The following TRAF3 variants were observed in gnomAD, a reference collection of about 807,000 sequenced individuals.
The protein encoded by TRAF3 is TNF receptor-associated factor 3.
TRAF3 carries 13 observed loss-of-function variants against 62.3 expected under a neutral mutation model. The observed-to-expected ratio is 0.21, with a 90% CI of 0.14 to 0.33. The LOEUF (loss-of-function observed/expected upper bound fraction) is 0.33, where lower values mean the gene tolerates loss of function less well. Ranked by LOEUF, TRAF3 falls within the 10% of genes least tolerant of loss-of-function variation. The pLI is 1.00. For missense variants in TRAF3, 440 were observed against 741.8 expected (o/e 0.59, Z 4.73); for synonymous variants, 269 against 283.4 (o/e 0.95, Z 0.51).
chr14:102,846,577 AG>A (rs1002052773), intron 2 of TRAF3, among the ~76,000 whole-genome samples: 2 of 140,376 alleles, frequency 1.4e-5, no homozygotes, highest in Admixed American at 1.5e-4. Context: ...CTGAGATGGG[AG>A]GATCACTTGA....
chr14:102,850,742 G>A (rs552224012), intron 2 of TRAF3, among the ~76,000 whole-genome samples: 78 of 149,152 alleles, frequency 5.2e-4, no homozygotes, highest in South Asian at 1.1e-3. Flanking sequence ...CAGATGCTGC[G>A]CTCCTGGTAG....
In TRAF3 at chr14:102,905,822, CCT is replaced by C. The variant is rs1241993072; in HGVS notation, c.*41_*42del. 2 of 1,570,604 alleles carry C rather than the reference CCT, an allele frequency of 1.3e-6. No homozygotes were observed. Among genetic ancestry groups the C allele is most frequent in the Non-Finnish European group, 1.7e-6 (2 of 1,143,378 alleles). ...GAGGTGGATTTAGCAGAAGGCAACT[CCT>C]CTGGGGGATTTGAACCGGTCTGTCT... is the stretch of plus-strand genomic sequence containing the variant. On this transcript the variant is annotated 3_prime_UTR_variant, in exon 12 of 12. Transcript: ENST00000392745.
chr14:102,899,795 G>A (rs1051259790), intron 10 of TRAF3, among the ~76,000 whole-genome samples: 1 of 152,146 alleles, frequency 6.6e-6, no homozygotes, highest in Non-Finnish European at 1.5e-5. Context: ...GTCAAGGAGT[G>A]GAATTCAAGA....
intron 1 of TRAF3, among the ~76,000 whole-genome samples, chr14:102,811,913 C>G (rs537143419): frequency 4.2e-5 from 2 of 47,076 alleles, no homozygotes; most frequent in African/African-American, 1.6e-4. Flanking sequence ...ATGCCTGGCC[C>G]TTTTTTTTTT....
chr14:102,815,555 A>G (rs748563135), intron 1 of TRAF3, among the ~76,000 whole-genome samples: 2 of 152,090 alleles, frequency 1.3e-5, no homozygotes, highest in African/African-American at 4.8e-5. Flanking sequence ...TTTTGAGTCA[A>G]TTTTTGTGGT....
chr14:102,893,685 C>G (rs1889849448), intron 9 of TRAF3, among the ~76,000 whole-genome samples: 1 of 152,230 alleles, frequency 6.6e-6, no homozygotes, highest in African/African-American at 2.4e-5. Flanking sequence ...TTTAAACTAT[C>G]TCCAGCCAAG....
At chr14:102,902,356 G>T (rs929474447) in intron 10 of TRAF3, among the ~76,000 whole-genome samples, 17 of 152,224 alleles carry the variant, frequency 1.1e-4, no homozygotes, top group African/African-American at 4.1e-4. Flanking sequence ...CACCATCCAG[G>T]TGGGAGGGGT....
intron 1 of TRAF3, among the ~76,000 whole-genome samples, chr14:102,810,113 G>GA (rs1409684660): frequency 1.3e-5 from 2 of 152,088 alleles, no homozygotes; most frequent in African/African-American, 4.8e-5. Flanking sequence ...CTCTTTATGG[G>GA]AAAAAAGTTT....
At chr14:102,867,435 C>T (rs964435427) in intron 2 of TRAF3, among the ~76,000 whole-genome samples, 1 of 152,090 alleles carries the variant, frequency 6.6e-6, no homozygotes, top group Non-Finnish European at 1.5e-5. Flanking sequence ...CCTGGAGAAA[C>T]TTAGTTACAT....
intron 1 of TRAF3, among the ~76,000 whole-genome samples, chr14:102,798,516 A>G (rs1044734228): frequency 2.0e-5 from 3 of 151,928 alleles, no homozygotes; most frequent in African/African-American, 4.8e-5. Context: ...GGCGTGTGCC[A>G]TTAGTTCCAG....
At chr14:102,881,490 G>A (rs1889063240) in intron 6 of TRAF3, among the ~76,000 whole-genome samples, 1 of 151,994 alleles carries the variant, frequency 6.6e-6, no homozygotes, top group African/African-American at 2.4e-5. Context: ...ACTAACACAG[G>A]AACAGAAAAA....
chr14:102,779,088 C>T (rs1161602482), intron 1 of TRAF3, among the ~76,000 whole-genome samples: 1 of 152,126 alleles, frequency 6.6e-6, no homozygotes, highest in African/African-American at 2.4e-5. Context: ...ACTGGAAATC[C>T]TGTGAGTGGG....
At chr14:102,802,723 G>A (rs1475979472) in intron 1 of TRAF3, among the ~76,000 whole-genome samples, 3 of 151,948 alleles carry the variant, frequency 2.0e-5, no homozygotes, top group Non-Finnish European at 4.4e-5. Flanking sequence ...AGCTACTCAG[G>A]AGGCTGAGGC....
intron 1 of TRAF3, among the ~76,000 whole-genome samples, chr14:102,821,013 A>C (rs1899953565): frequency 6.6e-6 from 1 of 152,082 alleles, no homozygotes; most frequent in Non-Finnish European, 1.5e-5. Context: ...ATGAAGAGCT[A>C]ATTCTGAAAT....
At chr14:102,889,093 T>A (rs1284071532) in intron 7 of TRAF3, among the ~76,000 whole-genome samples, 2 of 152,228 alleles carry the variant, frequency 1.3e-5, no homozygotes, top group Admixed American at 1.3e-4. Context: ...TCAAGTATTA[T>A]GAGTAATGGT....
chr14:102,853,272 A>G (rs1223735382), intron 2 of TRAF3, among the ~76,000 whole-genome samples: 1 of 151,808 alleles, frequency 6.6e-6, no homozygotes, highest in East Asian at 1.9e-4. Flanking sequence ...TGGTACTTCA[A>G]GCAGTCCTCT....
At chr14:102,837,956 G>A (rs1367001625) in intron 2 of TRAF3, among the ~76,000 whole-genome samples, 4 of 152,182 alleles carry the variant, frequency 2.6e-5, no homozygotes, top group African/African-American at 7.2e-5. Context: ...TAATTTGAGC[G>A]TACAAATGGC....
At chr14:102,855,905 AAT>A (rs1467380730) in intron 2 of TRAF3, among the ~76,000 whole-genome samples, 2 of 152,004 alleles carry the variant, frequency 1.3e-5, no homozygotes, top group Non-Finnish European at 2.9e-5. Flanking sequence ...CAACCTGGGC[AAT>A]ATAATGACAC....
chr14:102,827,470 C>T (rs1900393721), intron 1 of TRAF3, among the ~76,000 whole-genome samples: 1 of 152,218 alleles, frequency 6.6e-6, no homozygotes, highest in Non-Finnish European at 1.5e-5. Flanking sequence ...ACACCTTATA[C>T]ACATAGCCTG....
Sources: gnomAD v4.1 joint callset for allele counts (sites outside exome capture counted in the v4.1 genomes callset) on GRCh38, gnomAD v4.1.1 for gene constraint, MANE v1.5 for transcripts, NCBI Gene and HGNC (gene_info 2026-07-23, HGNC 2026-07-21) for gene names.